ELP4: variants seen among roughly 807,000 people sequenced by gnomAD.
ELP4 encodes elongator acetyltransferase complex subunit 4.
A neutral mutation model predicts 48.9 loss-of-function variants in ELP4; 51 were observed. The ratio of observed to expected loss-of-function variants is 1.04; its 90% CI spans 0.83 to 1.32. The LOEUF is 1.32. Ranked by LOEUF, ELP4 falls within the 40% of genes most tolerant of loss-of-function variation. The pLI, the probability that ELP4 is intolerant of heterozygous loss-of-function variation, is 0.00. For synonymous variants in ELP4, 210 were observed against 189.2 expected (o/e 1.11, Z -0.90); for missense variants, 519 against 514.6 (o/e 1.01, Z -0.08).
At chr11:31,684,672 G>A (rs566046603) in intron 9 of ELP4, among the ~76,000 whole-genome samples, 1 of 152,236 alleles carries the variant, frequency 6.6e-6, no homozygotes, top group South Asian at 2.1e-4. Context: ...AATAACACTA[G>A]TGCAGATGGG....
At chr11:31,720,958 C>T (rs1418242931) in intron 9 of ELP4, among the ~76,000 whole-genome samples, 1 of 152,212 alleles carries the variant, frequency 6.6e-6, no homozygotes. Flanking sequence ...GGCTATTGCT[C>T]AATTTGCTCA....
At chr11:31,772,886 CA>C (rs1237708925) in intron 9 of ELP4, among the ~76,000 whole-genome samples, 1 of 152,212 alleles carries the variant, frequency 6.6e-6, no homozygotes, top group African/African-American at 2.4e-5. Context: ...CTAGAAACTG[CA>C]AAAATTATCT....
At position 31,787,300 on chromosome 11, in the gene ELP4, C is replaced by G. The variant is rs1948721480; in HGVS notation, c.*3776C>G. ...ACCTTCAGAGCACACATATACGTGC[C>G]CAAGTGCACACATACAGACCCTCCG... On this transcript the variant is annotated 3_prime_UTR_variant, in exon 10 of 10. Coordinates refer to ENST00000640961, the MANE Select transcript of ELP4 (RefSeq NM_019040.5). 4.3e-6 allele frequency: 1 copy of G among 233,124 alleles called. No homozygotes were observed. The highest frequency in any genetic ancestry group is 8.5e-6 in the Non-Finnish European group (1 of 118,038). The allele number at this position is 233,124 out of a possible 1,614,324, so 14.4% of individuals were successfully genotyped here. A position where few individuals can be genotyped will look rare whatever the true frequency, so the allele number is the denominator to read the frequency against.
At chr11:31,723,275 G>A (rs1451810261) in intron 9 of ELP4, among the ~76,000 whole-genome samples, 3 of 152,142 alleles carry the variant, frequency 2.0e-5, no homozygotes, top group Admixed American at 6.5e-5. Flanking sequence ...TGGCAGAGCA[G>A]GTATGGACTA....
chr11:31,602,332 T>C (rs894325272), intron 4 of ELP4, among the ~76,000 whole-genome samples: 2 of 151,996 alleles, frequency 1.3e-5, no homozygotes, highest in African/African-American at 4.8e-5. Context: ...CTTTACATTT[T>C]TTAAGTTTGT....
At chr11:31,530,572 T>G (rs1365541450) in intron 2 of ELP4, among the ~76,000 whole-genome samples, 1 of 152,054 alleles carries the variant, frequency 6.6e-6, no homozygotes, top group Non-Finnish European at 1.5e-5. Context: ...GAGAGCAGTC[T>G]TGGTGGAGTG....
rs373761701 is a variant in ELP4, at chr11:31,538,209, A to T, written c.260-1453A>T. ...ATTAGTATAGTATTAGTATAGTATA[A>T]TTCTTTAAATACTTAAAGCCAAATC... On this transcript the variant is annotated intron_variant, in intron 2 of 9. Transcript: ENST00000640961. 3.5e-4 allele frequency among the ~76,000 whole-genome samples: 53 copies of T among 150,246 alleles called. 2 individuals carry two copies. In the East Asian group the frequency reaches 8.9e-3, roughly 25 times the overall value.
chr11:31,567,985 A>C (rs1413810390), intron 3 of ELP4, among the ~76,000 whole-genome samples: 1 of 152,210 alleles, frequency 6.6e-6, no homozygotes, highest in South Asian at 2.1e-4. Context: ...TCTTCTTCTT[A>C]TTAAAGATTT....
At chr11:31,772,320 G>A (rs558717310) in intron 9 of ELP4, among the ~76,000 whole-genome samples, 18 of 152,104 alleles carry the variant, frequency 1.2e-4, no homozygotes, top group African/African-American at 4.3e-4. Context: ...TAGAGACTGT[G>A]TTTCACCATG....
chr11:31,680,367 A>G (rs1946029750), intron 9 of ELP4, among the ~76,000 whole-genome samples: 1 of 152,212 alleles, frequency 6.6e-6, no homozygotes, highest in Non-Finnish European at 1.5e-5. Flanking sequence ...TGTTGCTAAA[A>G]TGATATTTAT....
chr11:31,559,245 GTTTC>G (rs1956977648), intron 3 of ELP4, among the ~76,000 whole-genome samples: 1 of 152,140 alleles, frequency 6.6e-6, no homozygotes, highest in Admixed American at 6.5e-5. Flanking sequence ...AGTGGCTAGT[GTTTC>G]TTTCCTAAAA....
chr11:31,539,193 G>A (rs546118235), intron 2 of ELP4, among the ~76,000 whole-genome samples: 1 of 152,250 alleles, frequency 6.6e-6, no homozygotes, highest in South Asian at 2.1e-4. Context: ...GGCCGGGCGC[G>A]GTGGCTTACG....
intron 9 of ELP4, among the ~76,000 whole-genome samples, chr11:31,691,273 T>G (rs1352622750): frequency 6.6e-6 from 1 of 152,136 alleles, no homozygotes; most frequent in East Asian, 1.9e-4. Context: ...TTATGCAAAC[T>G]AGACTATATC....
At chr11:31,721,208 G>A (rs187596249) in intron 9 of ELP4, among the ~76,000 whole-genome samples, 128 of 152,282 alleles carry the variant, frequency 8.4e-4, no homozygotes, top group African/African-American at 3.0e-3. Context: ...TCAATGAGCT[G>A]CCTTCAGCAT....
chr11:31,550,831 C>T (rs1164494492), intron 3 of ELP4, among the ~76,000 whole-genome samples: 4 of 152,088 alleles, frequency 2.6e-5, no homozygotes, highest in Non-Finnish European at 4.4e-5. Flanking sequence ...TTCTTTGGCC[C>T]TCCAGAAGGT....
intron 3 of ELP4, among the ~76,000 whole-genome samples, chr11:31,582,051 G>C (rs1382612417): frequency 6.6e-6 from 1 of 152,090 alleles, no homozygotes; most frequent in Non-Finnish European, 1.5e-5. Flanking sequence ...ACCAAACTTG[G>C]CCATTTTCTA....
chr11:31,584,738 T>C (rs1237916004), intron 3 of ELP4, among the ~76,000 whole-genome samples: 1 of 152,148 alleles, frequency 6.6e-6, no homozygotes, highest in East Asian at 1.9e-4. Context: ...TTGGGCAGGC[T>C]GGTCTCAAAC....
intron 9 of ELP4, among the ~76,000 whole-genome samples, chr11:31,738,434 A>T (rs1489001506): frequency 6.6e-6 from 1 of 151,526 alleles, no homozygotes; most frequent in African/African-American, 2.4e-5. Flanking sequence ...ATGAATAAAT[A>T]AAAATAAAAA....
At chr11:31,614,059 G>T (rs1269322925) in intron 5 of ELP4, among the ~76,000 whole-genome samples, 6 of 151,450 alleles carry the variant, frequency 4.0e-5, no homozygotes, top group Admixed American at 3.3e-4. Flanking sequence ...TCAAATTATG[G>T]GCCTAATCAT....
Sources: allele counts gnomAD v4.1 joint callset (sites outside exome capture counted in the v4.1 genomes callset), GRCh38; gene constraint gnomAD v4.1.1; transcripts MANE v1.5; gene names NCBI Gene and HGNC (gene_info 2026-07-23, HGNC 2026-07-21).